FAM184A: variants seen among roughly 807,000 people sequenced by gnomAD.
FAM184A encodes family with sequence similarity 184 member A.
In FAM184A, 99 loss-of-function variants were observed where a neutral mutation model predicts 143.8. That is an observed-to-expected ratio of 0.69 (90% CI 0.58 to 0.81). The LOEUF (loss-of-function observed/expected upper bound fraction) is 0.81, where lower values mean the gene tolerates loss of function less well. Ranked by LOEUF, FAM184A falls within the 40% of genes least tolerant of loss-of-function variation. FAM184A has a pLI of 0.00. For synonymous variants in FAM184A, 427 were observed against 446.4 expected (o/e 0.96, Z 0.55); for missense variants, 1,217 against 1,310.5 (o/e 0.93, Z 1.10).
rs977029986 is a variant in FAM184A at position 119,061,531 on chromosome 6, C to CTTTT, written c.159+16606_159+16609dup. Among the ~76,000 whole-genome samples, 47 of 58,560 alleles carry CTTTT rather than the reference C, an allele frequency of 8.0e-4. 2 individuals carry two copies. Among genetic ancestry groups the CTTTT allele is most frequent in the African/African-American group, 1.2e-3 (17 of 13,604 alleles). 38.4% of individuals were successfully genotyped at this position (58,560 alleles called of 152,430 possible). ...CTACCATGCCTGGCTAATTATTTTT[C>CTTTT]TTTTTTTTTTTTTTTTTTTTTTTTT... On this transcript the variant is annotated intron_variant, in intron 1 of 17. Coordinates refer to ENST00000338891, the MANE Select transcript of FAM184A (RefSeq NM_024581.6).
chr6:119,035,661 C>T (rs1786082161), intron 1 of FAM184A, among the ~76,000 whole-genome samples: 1 of 152,104 alleles, frequency 6.6e-6, no homozygotes, highest in South Asian at 2.1e-4. Context: ...CTGGAGGCTT[C>T]ATCTGCATGA....
At chr6:119,002,751 T>C in intron 9 of FAM184A, 148 bp downstream of exon 9, 1 of 669,718 alleles carries the variant, frequency 1.5e-6, no homozygotes, top group Non-Finnish European at 2.4e-6. Context: ...TATAAATACA[T>C]CTTCCTGGTT....
intron 1 of FAM184A, among the ~76,000 whole-genome samples, chr6:119,108,022 G>C (rs748651248): frequency 6.6e-6 from 1 of 152,100 alleles, no homozygotes; most frequent in African/African-American, 2.4e-5. Context: ...CGTGACTAGG[G>C]TTCTCCAGAG....
chr6:119,024,942 T>C (rs566062188), intron 1 of FAM184A, 129 bp from the exon 2 acceptor site: 33 of 884,114 alleles, frequency 3.7e-5, no homozygotes, highest in African/African-American at 1.7e-5. Context: ...ATGTTAAATA[T>C]GGAATCTTGA....
chr6:119,022,855 C>T (rs9481880), intron 3 of FAM184A, 90 bp downstream of exon 3: 496,038 of 1,497,960 alleles, frequency 0.33, 86,941 homozygotes, highest in Non-Finnish European at 0.36. Flanking sequence ...CCCGTCTGGG[C>T]GACAGAGCAA....
Position 119,028,548 on chromosome 6 carries a change from A to G in FAM184A, c.160-3735T>C, listed in dbSNP as rs577978593. Among the ~76,000 whole-genome samples the G allele has an allele frequency of 4.6e-5, 7 of 152,246 alleles. No individual in the cohort carries two copies. The East Asian group carries it at 1.2e-3, about 25-fold the overall frequency. On this transcript the variant is annotated intron_variant, in intron 1 of 17. Transcript: ENST00000338891. ...CAGCGGAGCCTTCATAAAAACACAAAAGTCAAGTTTCCAGATTTCTGAACA... is the reference window on the plus strand; with the variant it reads ...CAGCGGAGCCTTCATAAAAACACAAGAGTCAAGTTTCCAGATTTCTGAACA...
intron 8 of FAM184A, 53 bp downstream of exon 8, chr6:119,003,448 G>A: frequency 6.4e-7 from 1 of 1,557,330 alleles, no homozygotes; most frequent in Non-Finnish European, 8.7e-7. Context: ...TCATACAAGA[G>A]AAAAACTTTC....
rs577282175 is a variant in FAM184A at position 119,103,479 on chromosome 6, G to A, written c.-202+45599C>T. Among the ~76,000 whole-genome samples, 243 of 152,240 alleles carry A rather than the reference G, an allele frequency of 1.6e-3. 2 individuals carry two copies. Among genetic ancestry groups the A allele is most frequent in the African/African-American group, 5.5e-3 (228 of 41,536 alleles). ...TGGTAGACCTTCCATCCCAGCATGCGTTCTTTGCTCTTTCAATAATAAAAG... is the reference window on the plus strand; with the variant it reads ...TGGTAGACCTTCCATCCCAGCATGCATTCTTTGCTCTTTCAATAATAAAAG... On this transcript the variant is annotated intron_variant, in intron 1 of 16. Coordinates refer to the FAM184A transcript ENST00000352896.
At chr6:119,095,297 T>TTTATAAAAC (rs1432953519) in intron 1 of FAM184A, among the ~76,000 whole-genome samples, 1 of 152,212 alleles carries the variant, frequency 6.6e-6, no homozygotes, top group South Asian at 2.1e-4. Flanking sequence ...CCATGTGTGT[T>TTTATAAAAC]TTATAAAACG....
At chr6:119,104,839 G>A (rs956095149) in intron 1 of FAM184A, among the ~76,000 whole-genome samples, 1 of 152,096 alleles carries the variant, frequency 6.6e-6, no homozygotes, top group Non-Finnish European at 1.5e-5. Context: ...GGTGATCAAG[G>A]TCAACGTCAA....
chr6:119,136,094 A>C (rs915379165), intron 1 of FAM184A, among the ~76,000 whole-genome samples: 1 of 149,580 alleles, frequency 6.7e-6, no homozygotes, highest in Non-Finnish European at 1.5e-5. Flanking sequence ...CTGGCTAACA[A>C]GGTGAAACCC....
intron 1 of FAM184A, among the ~76,000 whole-genome samples, chr6:119,113,274 C>T (rs997865479): frequency 6.6e-6 from 1 of 152,188 alleles, no homozygotes; most frequent in Admixed American, 6.5e-5. Context: ...CTTGCTCAAC[C>T]TGCCTCCTAA....
intron 1 of FAM184A, among the ~76,000 whole-genome samples, chr6:119,113,313 T>C (rs1162879271): frequency 1.3e-5 from 2 of 152,176 alleles, no homozygotes; most frequent in Non-Finnish European, 2.9e-5. Context: ...GCTCTCAAGG[T>C]CCTTCCCCTT....
chr6:118,984,555 A>T (rs1406196032), intron 9 of FAM184A, among the ~76,000 whole-genome samples: 4 of 152,198 alleles, frequency 2.6e-5, no homozygotes, highest in Non-Finnish European at 5.9e-5. Flanking sequence ...CAAAACAAAA[A>T]GTGAAACATC....
At chr6:119,111,843 C>T (rs945050684) in intron 1 of FAM184A, among the ~76,000 whole-genome samples, 2 of 152,138 alleles carry the variant, frequency 1.3e-5, no homozygotes, top group Non-Finnish European at 2.9e-5. Context: ...CATTTCCTGG[C>T]ATATAGACTG....
chr6:119,047,117 C>A (rs1270772426), intron 1 of FAM184A, among the ~76,000 whole-genome samples: 1 of 151,378 alleles, frequency 6.6e-6, no homozygotes, highest in East Asian at 2.0e-4. Context: ...GGCAAACAGG[C>A]ATATAAAAAA....
In FAM184A at chr6:118,961,882, C is replaced by G; in HGVS notation, c.3220G>C (p.Gly1074Arg). ...TCCAGGCGGTTAGGATGTCCATTGC[C>G]CACTCCACCAGATTCCAGAGCACTT... ...NLSALESGGV[G>R]NGHPNRLDPI... Residue 1074 changes from glycine (G) to arginine (R), a missense_variant, in exon 17 of 18, where the codon GGC (glycine) becomes CGC (arginine). Transcript: ENST00000338891. 1 of 1,613,814 alleles carries G rather than the reference C, an allele frequency of 6.2e-7. No individual in the cohort carries two copies. The highest frequency in any genetic ancestry group is 8.5e-7 in the Non-Finnish European group (1 of 1,179,870).
chr6:118,980,142 T>C lies in FAM184A; in HGVS notation c.2297A>G (p.Gln766Arg), dbSNP rs1034901801. ...CGTATGTCACATAAAACTTACTCTT[T>C]GCTCCTTTTCCTTTTCCTCTTCCAT... ...QTMEEEKEKE[Q>R]RALENHLQQK... The change falls in exon 10 of 18, where the codon CAA becomes CGA. Residue 766 changes from glutamine to arginine, a missense_variant. Transcript: ENST00000338891. The C allele has an allele frequency of 1.2e-6, 2 of 1,613,090 alleles. No homozygotes were observed. Among genetic ancestry groups the C allele is most frequent in the Non-Finnish European group, 1.7e-6 (2 of 1,179,164 alleles).
In FAM184A at chr6:118,976,020, T is replaced by C. The variant is rs760254903; in HGVS notation, c.2480A>G (p.His827Arg). ...MLASLRSELN[H>R]QHAAAIDLLR... ...CAAATCAATTGCAGCTGCATGTTGA[T>C]GGTTGAGTTCTGAGCGCAAGGAAGC... is the stretch of plus-strand genomic sequence containing the variant. Residue 827 changes from histidine (H) to arginine (R), a missense_variant, in exon 12 of 18, where the codon CAT becomes CGT. Coordinates refer to ENST00000338891, the MANE Select transcript of FAM184A (RefSeq NM_024581.6). 7.4e-6 allele frequency: 12 copies of C among 1,613,332 alleles called. No homozygotes were observed. The highest frequency in any genetic ancestry group is 1.1e-5 in the South Asian group (1 of 90,768).
Sources: gnomAD v4.1 joint callset for allele counts (sites outside exome capture counted in the v4.1 genomes callset) on GRCh38, gnomAD v4.1.1 for gene constraint, MANE v1.5 for transcripts, NCBI Gene and HGNC (gene_info 2026-07-23, HGNC 2026-07-21) for gene names.